Variants in TTC39B observed in about 807,000 individuals in gnomAD.
The protein encoded by TTC39B is tetratricopeptide repeat domain 39B.
TTC39B carries 92 observed loss-of-function variants against 96.6 expected under a neutral mutation model. The observed-to-expected ratio is 0.95, with a 90% CI of 0.80 to 1.13. The LOEUF (loss-of-function observed/expected upper bound fraction) is 1.13, where lower values mean the gene tolerates loss of function less well. Ranked by LOEUF, TTC39B falls within the 50% of genes most tolerant of loss-of-function variation. The pLI is 0.00. For synonymous variants in TTC39B, 367 were observed against 299.4 expected (o/e 1.23, Z -2.33); for missense variants, 955 against 809.3 (o/e 1.18, Z -2.18).
chr9:15,171,256 T>C (rs1320733067), exon 20 of TTC39B: 1 of 48,706 alleles, frequency 2.1e-5, no homozygotes, highest in Non-Finnish European at 3.9e-5. Context: ...AGAAAAATAA[T>C]CCATGTATGT....
At chr9:15,202,039 A>C (rs1819570953) in intron 7 of TTC39B, among the ~76,000 whole-genome samples, 1 of 152,214 alleles carries the variant, frequency 6.6e-6, no homozygotes, top group Admixed American at 6.5e-5. Context: ...CTTCTAGAAC[A>C]ATGATAGGAA....
chr9:15,285,571 C>A (rs1257381780), intron 1 of TTC39B, among the ~76,000 whole-genome samples: 2 of 152,116 alleles, frequency 1.3e-5, no homozygotes. Flanking sequence ...AAAGAATATA[C>A]AGGCCGGGAG....
At chr9:15,270,569 T>C (rs1365024375) in intron 1 of TTC39B, among the ~76,000 whole-genome samples, 1 of 148,300 alleles carries the variant, frequency 6.7e-6, no homozygotes, top group Non-Finnish European at 1.5e-5. Context: ...ATAAGACTAA[T>C]ATTTTCATCT....
intron 1 of TTC39B, among the ~76,000 whole-genome samples, chr9:15,277,545 GGTGAGACCTTGGCCAACACA>G (rs2131575568): frequency 6.6e-6 from 1 of 152,124 alleles, no homozygotes; most frequent in South Asian, 2.1e-4. Flanking sequence ...TGGCCAACAT[GGTGAGACCTTGGCCAACACA>G]GTGAGACATT....
At chr9:15,188,220 A>G in intron 13 of TTC39B, 88 bp from the exon 14 acceptor site, 1 of 1,335,838 alleles carries the variant, frequency 7.5e-7, no homozygotes. Flanking sequence ...CACTTAGTAC[A>G]AAAAGGACAA....
intron 2 of TTC39B, among the ~76,000 whole-genome samples, chr9:15,258,766 A>G (rs7860457): frequency 0.21 from 32,209 of 151,778 alleles, 4,873 homozygotes; most frequent in African/African-American, 0.43. Context: ...CCCAACCACG[A>G]CTCAGTCTTC....
chr9:15,195,151 A>T (rs1448031108), intron 8 of TTC39B, among the ~76,000 whole-genome samples: 1 of 152,230 alleles, frequency 6.6e-6, no homozygotes, highest in East Asian at 1.9e-4. Context: ...GTGAATGCAC[A>T]AATGATAAGA....
intron 8 of TTC39B, among the ~76,000 whole-genome samples, chr9:15,193,607 T>A (rs972793022): frequency 2.0e-5 from 3 of 152,186 alleles, no homozygotes; most frequent in Non-Finnish European, 4.4e-5. Flanking sequence ...TGCTGTCATT[T>A]CCCCTGGGTC....
intron 2 of TTC39B, among the ~76,000 whole-genome samples, chr9:15,227,897 G>A (rs1239434563): frequency 6.6e-6 from 1 of 151,796 alleles, no homozygotes; most frequent in Non-Finnish European, 1.5e-5. Flanking sequence ...GATTTTGAGG[G>A]CATACTTAGA....
intron 13 of TTC39B, 122 bp downstream of exon 13, chr9:15,189,452 T>C: frequency 1.1e-6 from 1 of 941,598 alleles, no homozygotes; most frequent in Non-Finnish European, 1.6e-6. Context: ...TATATTTTTT[T>C]CTTTATTTTT....
intron 2 of TTC39B, among the ~76,000 whole-genome samples, chr9:15,241,628 A>C (rs772037367): frequency 2.0e-5 from 3 of 152,218 alleles, no homozygotes; most frequent in Admixed American, 6.5e-5. Context: ...ATTTTAAATG[A>C]ATTTGTGAAC....
intron 2 of TTC39B, among the ~76,000 whole-genome samples, chr9:15,233,609 C>T (rs963336430): frequency 1.3e-5 from 2 of 152,220 alleles, no homozygotes; most frequent in African/African-American, 4.8e-5. Flanking sequence ...CCGCCAGCCT[C>T]GGCCTCCCGA....
In TTC39B at chr9:15,189,606, G is replaced by A. The variant is rs150307895; in HGVS notation, c.1201C>T (p.Arg401Ter). 9.9e-6 allele frequency: 16 copies of A among 1,613,884 alleles called. No individual in the cohort carries two copies. In the Admixed American group the frequency reaches 1.2e-4, roughly 12 times the overall value. ...AGATTCCCTTTCAGCAACTCTATTC[G>A]GGCATGATAAAACAACACGAGTGAG... Residue 401 changes from arginine (R) to a stop codon, truncating the protein, a stop_gained, in exon 13 of 20, where the codon CGA (arginine) becomes TGA (stop). Transcript: ENST00000512701. LOFTEE classifies it high-confidence loss of function.
At chr9:15,280,419 G>A (rs1353113125) in intron 1 of TTC39B, among the ~76,000 whole-genome samples, 1 of 152,212 alleles carries the variant, frequency 6.6e-6, no homozygotes, top group Non-Finnish European at 1.5e-5. Context: ...GATGCTTTGA[G>A]GATAGAGTGA....
intron 6 of TTC39B, among the ~76,000 whole-genome samples, chr9:15,209,260 C>G (rs1442732148): frequency 1.3e-5 from 2 of 152,004 alleles, no homozygotes; most frequent in Non-Finnish European, 2.9e-5. Flanking sequence ...GATCATGAAC[C>G]TTCTGCCCTA....
At chr9:15,185,364 G>C in exon 16 of TTC39B, 1 of 1,613,898 alleles carries the variant, frequency 6.2e-7, no homozygotes, top group Non-Finnish European at 8.5e-7. Context: ...TCTCAGTAGG[G>C]ATAGATTTCC....
exon 20 of TTC39B, chr9:15,170,270 T>C (rs1187526308): frequency 1.0e-5 from 1 of 97,494 alleles, no homozygotes; most frequent in East Asian, 3.5e-4. Context: ...CACTGCTTGA[T>C]ACAGGTCCAT....
At chr9:15,278,787 T>C (rs532811616) in intron 1 of TTC39B, among the ~76,000 whole-genome samples, 5 of 152,358 alleles carry the variant, frequency 3.3e-5, no homozygotes, top group Admixed American at 2.6e-4. Context: ...TTATTTCTAA[T>C]TCACAAATAC....
At chr9:15,304,266 TA>T (rs1488441723) in intron 1 of TTC39B, among the ~76,000 whole-genome samples, 5 of 152,222 alleles carry the variant, frequency 3.3e-5, no homozygotes, top group Admixed American at 6.5e-5. Context: ...ATATATTCTG[TA>T]CATCTTCCAT....
Sources: gnomAD v4.1 joint callset for allele counts (sites outside exome capture counted in the v4.1 genomes callset) on GRCh38, gnomAD v4.1.1 for gene constraint, MANE v1.5 for transcripts, NCBI Gene and HGNC (gene_info 2026-07-23, HGNC 2026-07-21) for gene names.